MAGI2: variants seen among roughly 807,000 people sequenced by gnomAD.
MAGI2 encodes the protein membrane-associated guanylate kinase, WW and PDZ domain-containing protein 2.
In MAGI2, 35 loss-of-function variants were observed where a neutral mutation model predicts 133.3. That is an observed-to-expected ratio of 0.26 (90% CI 0.20 to 0.35). The LOEUF is 0.35. Among genes scored for constraint, MAGI2 ranks in the 10% least tolerant of loss-of-function variants. MAGI2 has a pLI of 1.00. For synonymous variants in MAGI2, 729 were observed against 710.6 expected, an observed-to-expected ratio of 1.03 and a Z score of -0.41; for missense variants, 1,636 against 1,863.4, an observed-to-expected ratio of 0.88 and a Z score of 2.25.
intron 6 of MAGI2, among the ~76,000 whole-genome samples, chr7:78,402,898 G>C (rs1335566526): frequency 6.6e-6 from 1 of 152,040 alleles, no homozygotes; most frequent in Non-Finnish European, 1.5e-5. Context: ...TTAAAGGCAA[G>C]TTTTAAAAAT....
intron 6 of MAGI2, among the ~76,000 whole-genome samples, chr7:78,424,989 G>C (rs1350683662): frequency 1.3e-5 from 2 of 152,138 alleles, no homozygotes; most frequent in Non-Finnish European, 2.9e-5. Context: ...TGTTGAGAAG[G>C]GATGATTGGT....
At chr7:78,442,187 T>C (rs780356405) in intron 6 of MAGI2, among the ~76,000 whole-genome samples, 1 of 152,192 alleles carries the variant, frequency 6.6e-6, no homozygotes, top group South Asian at 2.1e-4. Flanking sequence ...TCTGAACATA[T>C]TCTCCTCGAC....
At chr7:79,011,929 C>CCT (rs1562785446) in intron 1 of MAGI2, among the ~76,000 whole-genome samples, 2 of 97,218 alleles carry the variant, frequency 2.1e-5, no homozygotes, top group Non-Finnish European at 4.5e-5. Context: ...TCCTTCCTTT[C>CCT]TTTCTTTCTT....
intron 11 of MAGI2, 137 bp downstream of exon 11, chr7:78,201,015 GACAAAAGGAC>G: frequency 1.7e-6 from 1 of 572,658 alleles, no homozygotes; most frequent in South Asian, 2.4e-5. Context: ...ACAGATACAA[GACAAAAGGAC>G]ACAGAGGATT....
intron 10 of MAGI2, among the ~76,000 whole-genome samples, chr7:78,234,425 A>G (rs1299049791): frequency 1.3e-5 from 2 of 152,194 alleles, no homozygotes; most frequent in Non-Finnish European, 2.9e-5. Context: ...AACGTTAATT[A>G]GGAGGAGAGG....
At position 78,504,941 on chromosome 7, in the gene MAGI2, T is replaced by C. The variant is rs1794954822; in HGVS notation, c.755-3154A>G. On this transcript the variant is annotated intron_variant, in intron 4 of 21. Coordinates refer to ENST00000354212, the MANE Select transcript of MAGI2 (RefSeq NM_012301.4). ...AAATGTATAGTATTAATCCTATTTTTCTAAATAAGCATATATTAAGATCTC... is the reference window on the plus strand; with the variant it reads ...AAATGTATAGTATTAATCCTATTTTCCTAAATAAGCATATATTAAGATCTC... Among the ~76,000 whole-genome samples, 3 of 152,290 alleles carry C rather than the reference T, an allele frequency of 2.0e-5. No individual in the cohort carries two copies. The South Asian group carries it at 6.2e-4, about 32-fold the overall frequency.
chr7:78,262,347 GACA>G (rs1244859162), intron 9 of MAGI2, among the ~76,000 whole-genome samples: 9 of 152,252 alleles, frequency 5.9e-5, no homozygotes, highest in African/African-American at 9.6e-5. Context: ...ATTAGGTTCA[GACA>G]ACGTCTTTCT....
Position 78,667,007 on chromosome 7 carries a change from TAGAG to T in MAGI2, c.419-39772_419-39769del, listed in dbSNP as rs571851032. ...ACTATATTTTAACTCATTGCAAACA[TAGAG>T]AGTTGATCTTTTTTATTTTAATTAA... On this transcript the variant is annotated intron_variant, in intron 2 of 21. Coordinates refer to ENST00000354212, the MANE Select transcript of MAGI2 (RefSeq NM_012301.4). 1.7e-3 allele frequency among the ~76,000 whole-genome samples: 261 copies of T among 152,292 alleles called. 2 individuals are homozygous for T. In the Middle Eastern group the frequency reaches 0.034, roughly 20 times the overall value.
At chr7:78,605,165 G>A (rs1414851939) in intron 3 of MAGI2, among the ~76,000 whole-genome samples, 1 of 152,206 alleles carries the variant, frequency 6.6e-6, no homozygotes, top group Non-Finnish European at 1.5e-5. Context: ...GAGAGTGATT[G>A]CAGCAGTCTG....
chr7:78,445,587 G>T (rs955184973), intron 6 of MAGI2, among the ~76,000 whole-genome samples: 35 of 151,938 alleles, frequency 2.3e-4, no homozygotes, highest in African/African-American at 8.2e-4. Flanking sequence ...GTCCAATATT[G>T]ACTGTTGCTA....
At chr7:78,607,469 G>A (rs947368493) in intron 3 of MAGI2, among the ~76,000 whole-genome samples, 13 of 144,604 alleles carry the variant, frequency 9.0e-5, no homozygotes, top group Non-Finnish European at 1.8e-4. Context: ...AGAACCACAT[G>A]TTCCATCTCA....
intron 6 of MAGI2, among the ~76,000 whole-genome samples, chr7:78,430,968 C>T (rs756093677): frequency 3.3e-5 from 5 of 152,016 alleles, no homozygotes; most frequent in Non-Finnish European, 7.4e-5. Context: ...CAATTTTGCA[C>T]AGGTTTGCCT....
At chr7:78,954,284 T>C (rs1320069151) in intron 2 of MAGI2, among the ~76,000 whole-genome samples, 2 of 152,134 alleles carry the variant, frequency 1.3e-5, no homozygotes, top group African/African-American at 4.8e-5. Flanking sequence ...GTTTCTGTAA[T>C]ATGCTTCTTT....
intron 2 of MAGI2, chr7:79,006,613 C>T (rs943189404): frequency 6.6e-6 from 1 of 152,402 alleles, no homozygotes; most frequent in Non-Finnish European, 1.5e-5. Flanking sequence ...TTGCAGAACA[C>T]TCAGCTTTAC....
chr7:78,775,100 T>A (rs1255141153), intron 2 of MAGI2, among the ~76,000 whole-genome samples: 2 of 150,444 alleles, frequency 1.3e-5, no homozygotes, highest in Admixed American at 6.6e-5. Context: ...GATCACGAGA[T>A]CAGGAGATCG....
rs150240581 is a variant in MAGI2, at chr7:78,228,631, C to T, written c.2047+27312G>A. On this transcript the variant is annotated intron_variant, in intron 10 of 21. Coordinates refer to ENST00000354212, the MANE Select transcript of MAGI2 (RefSeq NM_012301.4). Reference sequence around the variant, plus strand: ...CTGAAAATACAAAACTCAGGGTTTCCGAGTGTTTATATTTAAAATACTTGT... The same window carrying T: ...CTGAAAATACAAAACTCAGGGTTTCTGAGTGTTTATATTTAAAATACTTGT... Among the ~76,000 whole-genome samples the T allele has an allele frequency of 4.5e-3, 683 of 152,074 alleles. 4 individuals carry two copies. The highest frequency in any genetic ancestry group is 0.016 in the African/African-American group (655 of 41,480).
intron 5 of MAGI2, among the ~76,000 whole-genome samples, chr7:78,490,886 T>A (rs1793542680): frequency 1.3e-5 from 2 of 151,840 alleles, no homozygotes; most frequent in Non-Finnish European, 2.9e-5. Context: ...AAGGCACAGG[T>A]GTGGGAAAGT....
intron 1 of MAGI2, among the ~76,000 whole-genome samples, chr7:79,399,141 C>T (rs1287777815): frequency 7.5e-6 from 1 of 133,748 alleles, no homozygotes; most frequent in African/African-American, 3.0e-5. Context: ...GTGGCCCAGA[C>T]TGGAGTGCAG....
At chr7:78,194,689 T>C (rs1828557595) in intron 12 of MAGI2, among the ~76,000 whole-genome samples, 185 bp downstream of exon 12, 1 of 152,180 alleles carries the variant, frequency 6.6e-6, no homozygotes, top group Non-Finnish European at 1.5e-5. Flanking sequence ...AGGCAAAAGA[T>C]ATAATAAACC....
Sources: allele counts gnomAD v4.1 joint callset (sites outside exome capture counted in the v4.1 genomes callset), GRCh38; gene constraint gnomAD v4.1.1; transcripts MANE v1.5; gene names NCBI Gene and HGNC (gene_info 2026-07-23, HGNC 2026-07-21).